Variants in WBP2NL observed in about 807,000 individuals in gnomAD.
WBP2NL encodes the protein WBP2 N-terminal like.
Under a neutral mutation model 23.3 loss-of-function variants are expected in WBP2NL, and 27 were observed. The ratio of observed to expected loss-of-function variants is 1.16; its 90% CI spans 0.85 to 1.60. WBP2NL has a LOEUF of 1.60. WBP2NL is among the 40% of genes most tolerant of loss of function. The probability of loss-of-function intolerance (pLI) is 0.00; values close to 1 mark genes in which losing one functional copy is unlikely to be tolerated. For synonymous variants in WBP2NL, 151 were observed against 145.9 expected, an observed-to-expected ratio of 1.03 and a Z score of -0.25; for missense variants, 370 against 389.5, an observed-to-expected ratio of 0.95 and a Z score of 0.42.
At chr22:42,051,979 T>G (rs1925852064) in intron 8 of WBP2NL, among the ~76,000 whole-genome samples, 2 of 152,222 alleles carry the variant, frequency 1.3e-5, no homozygotes, top group Admixed American at 6.5e-5. Flanking sequence ...GTGCTCAAGA[T>G]TGCACAGCTG....
intron 8 of WBP2NL, among the ~76,000 whole-genome samples, chr22:42,052,553 T>C (rs569289565): frequency 7.2e-5 from 11 of 152,228 alleles, no homozygotes; most frequent in Non-Finnish European, 1.6e-4. Context: ...GTGCTGGGAT[T>C]AGAGGCATGA....
downstream of WBP2NL, among the ~76,000 whole-genome samples, chr22:42,034,748 G>A (rs1925118130): frequency 6.6e-6 from 1 of 152,178 alleles, no homozygotes; most frequent in South Asian, 2.1e-4. Context: ...CCCTAGGTGC[G>A]CATTCTCTTT....
intron 8 of WBP2NL, among the ~76,000 whole-genome samples, chr22:42,039,968 G>C (rs946886864): frequency 6.7e-6 from 1 of 150,340 alleles, no homozygotes; most frequent in Admixed American, 6.6e-5. Context: ...CTGGAGTGCA[G>C]TGGCTCAACC....
downstream of WBP2NL, among the ~76,000 whole-genome samples, chr22:42,033,967 G>T (rs888538487): frequency 6.6e-6 from 1 of 152,204 alleles, no homozygotes; most frequent in Non-Finnish European, 1.5e-5. Flanking sequence ...AAGGTGTGAC[G>T]TCACCAGGGA....
In WBP2NL at chr22:42,054,162, AT is replaced by A. The variant is rs879723948; in HGVS notation, c.*274-4120del. On this transcript the variant is annotated intron_variant and NMD_transcript_variant, in intron 8 of 8. Coordinates refer to the WBP2NL transcript ENST00000436265. Reference sequence around the variant, plus strand: ...AATTTTGATCAAGTCCAACTTATCTATTTTTTTTGATTGCTTCTGATTTAAA... The same window carrying A: ...AATTTTGATCAAGTCCAACTTATCTATTTTTTTGATTGCTTCTGATTTAAA... 5.4e-4 allele frequency among the ~76,000 whole-genome samples: 82 copies of A among 151,370 alleles called. 1 individual carries two copies. The East Asian group carries it at 0.015, about 27-fold the overall frequency.
chr22:42,035,443 G>A (rs866312599), downstream of WBP2NL, among the ~76,000 whole-genome samples: 10 of 152,246 alleles, frequency 6.6e-5, no homozygotes, highest in Non-Finnish European at 2.9e-5. Flanking sequence ...CAGCATCCAG[G>A]AAGCTCTCAC....
At chr22:42,020,879 TATATATATATATATATATATATA>T (rs1923860759) in intron 4 of WBP2NL, among the ~76,000 whole-genome samples, 1 of 20,650 alleles carries the variant, frequency 4.8e-5, no homozygotes. Flanking sequence ...TATATATATA[TATATATATATATATATATATATA>T]TATATATTTT....
At chr22:42,006,085 A>G (rs946955197) in intron 1 of WBP2NL, among the ~76,000 whole-genome samples, 4 of 152,230 alleles carry the variant, frequency 2.6e-5, no homozygotes, top group African/African-American at 9.6e-5. Flanking sequence ...GCTTTACTAG[A>G]GAGTTCTTCT....
At position 42,043,731 on chromosome 22, in the gene WBP2NL, A is replaced by AT. The variant is rs133354; in HGVS notation, c.*273+12921dup. On this transcript the variant is annotated intron_variant and NMD_transcript_variant, in intron 8 of 8. Transcript: ENST00000436265. ...CGCTAGCCAAAACTACTGGAGCTAG[A>AT]TTTTTTTTTTTTTGAGATGGAGTCT... Among the ~76,000 whole-genome samples the AT allele has an allele frequency of 1.7e-3, 246 of 148,446 alleles. 1 individual carries two copies. Among genetic ancestry groups the AT allele is most frequent in the African/African-American group, 4.7e-3 (188 of 40,428 alleles).
At chr22:42,034,404 A>C (rs1925102183), downstream of WBP2NL, among the ~76,000 whole-genome samples, 1 of 152,214 alleles carries the variant, frequency 6.6e-6, no homozygotes, top group African/African-American at 2.4e-5. Flanking sequence ...AAAACCAGCA[A>C]GTTTTTATTA....
At chr22:41,999,304 T>C (rs1354170417) in intron 1 of WBP2NL, among the ~76,000 whole-genome samples, 1 of 152,174 alleles carries the variant, frequency 6.6e-6, no homozygotes, top group Non-Finnish European at 1.5e-5. Context: ...GTACTGGGTG[T>C]GTATCTCCTC....
At chr22:42,006,461 C>T (rs1324058169) in intron 1 of WBP2NL, among the ~76,000 whole-genome samples, 1 of 152,196 alleles carries the variant, frequency 6.6e-6, no homozygotes, top group African/African-American at 2.4e-5. Context: ...TCTCGATCGC[C>T]TGACCTCGTG....
chr22:42,001,654 C>G (rs1287940717), intron 1 of WBP2NL: 25 of 1,190,442 alleles, frequency 2.1e-5, no homozygotes, highest in Non-Finnish European at 2.9e-5. Flanking sequence ...ACTGGGATCT[C>G]TTGTCCACAC....
intron 1 of WBP2NL, among the ~76,000 whole-genome samples, chr22:42,007,819 G>A (rs967595821): frequency 1.3e-5 from 2 of 149,328 alleles, no homozygotes; most frequent in Non-Finnish European, 3.0e-5. Context: ...CATTTAGGTT[G>A]CTTCCACCTC....
intron 8 of WBP2NL, among the ~76,000 whole-genome samples, chr22:42,056,587 T>G (rs979334432): frequency 3.9e-5 from 6 of 152,224 alleles, no homozygotes; most frequent in Non-Finnish European, 8.8e-5. Flanking sequence ...TGTTTTTGTT[T>G]ATCTGGGAAT....
chr22:42,045,970 G>A (rs1316139738), intron 8 of WBP2NL, among the ~76,000 whole-genome samples: 1 of 152,186 alleles, frequency 6.6e-6, no homozygotes, highest in African/African-American at 2.4e-5. Flanking sequence ...AGTTTTATAG[G>A]TATGGGTTTT....
At chr22:42,021,607 ATTGG>A (rs1923982315) in intron 4 of WBP2NL, among the ~76,000 whole-genome samples, 1 of 152,074 alleles carries the variant, frequency 6.6e-6, no homozygotes, top group Non-Finnish European at 1.5e-5. Context: ...ACTTCCTCAC[ATTGG>A]TCTTTAATGG....
At chr22:42,040,357 G>A (rs1321989014) in intron 8 of WBP2NL, among the ~76,000 whole-genome samples, 1 of 151,958 alleles carries the variant, frequency 6.6e-6, no homozygotes, top group East Asian at 1.9e-4. Context: ...TGAGTAGCTG[G>A]GATTATAGTT....
intron 8 of WBP2NL, among the ~76,000 whole-genome samples, chr22:42,047,381 A>AT (rs1463405716): frequency 2.6e-5 from 4 of 151,402 alleles, no homozygotes; most frequent in African/African-American, 9.7e-5. Flanking sequence ...GTGGTGGCTC[A>AT]TGCCTCGAGA....
Sources: allele counts gnomAD v4.1 joint callset (sites outside exome capture counted in the v4.1 genomes callset), GRCh38; gene constraint gnomAD v4.1.1; transcripts MANE v1.5; gene names NCBI Gene and HGNC (gene_info 2026-07-23, HGNC 2026-07-21).